Variants in NCKAP5 observed in about 807,000 individuals in gnomAD.
NCKAP5 encodes nck-associated protein 5.
A neutral mutation model predicts 167.0 loss-of-function variants in NCKAP5; 92 were observed. The ratio of observed to expected loss-of-function variants is 0.55; its 90% CI spans 0.47 to 0.66. The LOEUF (loss-of-function observed/expected upper bound fraction) is 0.66. Ranked by LOEUF, NCKAP5 falls within the 30% of genes least tolerant of loss-of-function variation. The pLI is 0.00. For missense variants in NCKAP5, 2,378 were observed against 2,315.0 expected, an observed-to-expected ratio of 1.03 and a Z score of -0.56; for synonymous variants, 891 against 877.4, an observed-to-expected ratio of 1.02 and a Z score of -0.27.
At chr2:133,605,089 C>T in the NCKAP5 span, among the ~76,000 whole-genome samples, 2 of 152,262 alleles carry the variant, frequency 1.3e-5, no homozygotes, top group East Asian at 1.9e-4. Context: ...ATCTACCTCC[C>T]CGGGCTGTTT....
chr2:133,234,634 C>A (rs1360882110), intron 4 of NCKAP5, among the ~76,000 whole-genome samples: 1 of 152,034 alleles, frequency 6.6e-6, no homozygotes, highest in Non-Finnish European at 1.5e-5. Context: ...CTGACTTTGA[C>A]CTCCATCTCT....
chr2:133,232,430 C>T (rs2150254008), intron 4 of NCKAP5, among the ~76,000 whole-genome samples: 1 of 152,216 alleles, frequency 6.6e-6, no homozygotes, highest in South Asian at 2.1e-4. Flanking sequence ...AAAAGAAAAG[C>T]ACTAACAGAC....
At chr2:133,286,344 G>A (rs1016329803) in intron 4 of NCKAP5, among the ~76,000 whole-genome samples, 2 of 152,202 alleles carry the variant, frequency 1.3e-5, no homozygotes, top group African/African-American at 2.4e-5. Context: ...TTGGAAAAAG[G>A]AAGATCTGAA....
chr2:132,992,282 A>G (rs1313459384), intron 7 of NCKAP5, among the ~76,000 whole-genome samples: 2 of 152,222 alleles, frequency 1.3e-5, no homozygotes, highest in African/African-American at 4.8e-5. Context: ...AATAGTTTTA[A>G]AACACGTTTC....
At chr2:133,502,967 G>T (rs1396596105) in intron 3 of NCKAP5, among the ~76,000 whole-genome samples, 2 of 152,126 alleles carry the variant, frequency 1.3e-5, no homozygotes, top group African/African-American at 2.4e-5. Context: ...CATCTGAAAC[G>T]ATCCTAGGTC....
the NCKAP5 span, among the ~76,000 whole-genome samples, chr2:133,611,179 T>C: frequency 6.6e-6 from 1 of 152,110 alleles, no homozygotes; most frequent in African/African-American, 2.4e-5. Flanking sequence ...CTCTTTTCTG[T>C]GTTGACATAT....
At chr2:132,908,367 G>T (rs997606573) in intron 8 of NCKAP5, among the ~76,000 whole-genome samples, 3 of 152,060 alleles carry the variant, frequency 2.0e-5, no homozygotes, top group Admixed American at 6.5e-5. Context: ...ACTCTGGTCA[G>T]TCAATTTCTC....
chr2:132,763,952 C>T (rs1681232377), intron 16 of NCKAP5, among the ~76,000 whole-genome samples: 2 of 152,260 alleles, frequency 1.3e-5, no homozygotes, highest in South Asian at 2.1e-4. Flanking sequence ...TAGAATTTAG[C>T]TCCCTGGTGC....
At chr2:133,210,483 C>T (rs1387519752) in intron 5 of NCKAP5, among the ~76,000 whole-genome samples, 1 of 152,126 alleles carries the variant, frequency 6.6e-6, no homozygotes, top group Non-Finnish European at 1.5e-5. Flanking sequence ...ACAGTAGTCT[C>T]TAAATACACA....
intron 6 of NCKAP5, among the ~76,000 whole-genome samples, chr2:133,003,831 A>G (rs1486667091): frequency 6.6e-6 from 1 of 152,234 alleles, no homozygotes; most frequent in Non-Finnish European, 1.5e-5. Flanking sequence ...GAATTACTGC[A>G]TCATATTCAC....
chr2:133,534,167 T>C (rs1046115760), intron 2 of NCKAP5, among the ~76,000 whole-genome samples: 4 of 152,240 alleles, frequency 2.6e-5, no homozygotes, highest in East Asian at 1.9e-4. Flanking sequence ...GTATACCTTC[T>C]GACAAATTAA....
chr2:133,004,781 G>C (rs948712005), intron 6 of NCKAP5, among the ~76,000 whole-genome samples: 2 of 152,124 alleles, frequency 1.3e-5, no homozygotes, highest in Non-Finnish European at 2.9e-5. Context: ...CAAGCCTGAG[G>C]GCACTGCAGG....
chr2:133,332,313 G>A (rs941053067), intron 3 of NCKAP5, among the ~76,000 whole-genome samples: 4 of 151,938 alleles, frequency 2.6e-5, no homozygotes, highest in Admixed American at 6.6e-5. Context: ...AAATAAATAC[G>A]GCAAGCCTCC....
chr2:133,530,169 G>A (rs1321219999), intron 2 of NCKAP5, among the ~76,000 whole-genome samples: 1 of 152,036 alleles, frequency 6.6e-6, no homozygotes, highest in Non-Finnish European at 1.5e-5. Flanking sequence ...CATTGATTCT[G>A]TGATTAAAGT....
At chr2:133,004,235 T>C (rs1295203997) in intron 6 of NCKAP5, among the ~76,000 whole-genome samples, 1 of 152,190 alleles carries the variant, frequency 6.6e-6, no homozygotes, top group Non-Finnish European at 1.5e-5. Flanking sequence ...GGATTGACAC[T>C]ATATCCAGAT....
chr2:132,827,320 G>A (rs1442464871), intron 11 of NCKAP5, among the ~76,000 whole-genome samples: 2 of 152,074 alleles, frequency 1.3e-5, no homozygotes, highest in Non-Finnish European at 2.9e-5. Context: ...GTGGCATTAA[G>A]CATCTTTTTA....
intron 8 of NCKAP5, among the ~76,000 whole-genome samples, chr2:132,908,458 C>T (rs1285675417): frequency 6.6e-6 from 1 of 152,158 alleles, no homozygotes; most frequent in Non-Finnish European, 1.5e-5. Context: ...TAACTGTGGT[C>T]TTCCAAAAGG....
chr2:133,303,362 A>G (rs1680538789), intron 3 of NCKAP5, among the ~76,000 whole-genome samples: 1 of 152,156 alleles, frequency 6.6e-6, no homozygotes, highest in Non-Finnish European at 1.5e-5. Flanking sequence ...CCTCTTATTC[A>G]CAGAAGAAAG....
chr2:132,898,661 T>A (rs1208431222), intron 8 of NCKAP5, among the ~76,000 whole-genome samples: 1 of 152,318 alleles, frequency 6.6e-6, no homozygotes, highest in Non-Finnish European at 1.5e-5. Context: ...AACATTAATC[T>A]TTTTGCACAT....
Sources: allele counts gnomAD v4.1 joint callset (sites outside exome capture counted in the v4.1 genomes callset), GRCh38; gene constraint gnomAD v4.1.1; transcripts MANE v1.5; gene names NCBI Gene and HGNC (gene_info 2026-07-23, HGNC 2026-07-21).